GPR158: variants seen among roughly 807,000 people sequenced by gnomAD.
GPR158 encodes the protein metabotropic glycine receptor.
Under a neutral mutation model 78.2 loss-of-function variants are expected in GPR158, and 30 were observed. The ratio of observed to expected loss-of-function variants is 0.38; its 90% CI spans 0.29 to 0.52. GPR158 has a LOEUF of 0.52. Among genes scored for constraint, GPR158 ranks in the 20% least tolerant of loss-of-function variants. The pLI, the probability that GPR158 is intolerant of heterozygous loss-of-function variation, is 0.83. For missense variants in GPR158, 1,463 were observed against 1,523.5 expected (o/e 0.96, Z 0.66); for synonymous variants, 581 against 591.1 (o/e 0.98, Z 0.25).
At chr10:25,403,187 T>C (rs999207381) in intron 3 of GPR158, among the ~76,000 whole-genome samples, 3 of 152,002 alleles carry the variant, frequency 2.0e-5, no homozygotes, top group Non-Finnish European at 4.4e-5. Context: ...GTTTATACTT[T>C]TACTAGTTTC....
chr10:25,549,837 C>T (rs1015445204), intron 5 of GPR158, among the ~76,000 whole-genome samples: 1 of 152,098 alleles, frequency 6.6e-6, no homozygotes, highest in Non-Finnish European at 1.5e-5. Context: ...AATGTCAGTA[C>T]CTACCCCATG....
chr10:25,466,565 C>T, intron 4 of GPR158, 86 bp from the exon 5 acceptor site: 1 of 806,324 alleles, frequency 1.2e-6, no homozygotes, highest in Non-Finnish European at 2.1e-6. Context: ...TGCTGTCCTA[C>T]TGCATTGTGG....
intron 2 of GPR158, among the ~76,000 whole-genome samples, chr10:25,308,478 C>A (rs1483739390): frequency 6.6e-6 from 1 of 152,104 alleles, no homozygotes; most frequent in Non-Finnish European, 1.5e-5. Context: ...ATTGCCTGTT[C>A]AGGTTTTTTG....
intron 1 of GPR158, among the ~76,000 whole-genome samples, chr10:25,185,500 A>C (rs886417240): frequency 6.6e-6 from 1 of 152,202 alleles, no homozygotes; most frequent in African/African-American, 2.4e-5. Context: ...TTTAATATTT[A>C]AGGTTTCCCA....
At chr10:25,554,228 T>C (rs554875868) in intron 6 of GPR158, among the ~76,000 whole-genome samples, 1 of 152,280 alleles carries the variant, frequency 6.6e-6, no homozygotes, top group South Asian at 2.1e-4. Flanking sequence ...AATTCCACTT[T>C]TCATTTCAAG....
In GPR158 at chr10:25,278,158, G is replaced by C. The variant is rs111315559; in HGVS notation, c.1008+57001G>C. Among the ~76,000 whole-genome samples the C allele has an allele frequency of 1.6e-3, 240 of 152,160 alleles. 1 individual carries two copies. Among genetic ancestry groups the C allele is most frequent in the African/African-American group, 5.5e-3 (230 of 41,522 alleles). On this transcript the variant is annotated intron_variant, in intron 2 of 10. Coordinates refer to ENST00000376351, the MANE Select transcript of GPR158 (RefSeq NM_020752.3). ...CAGGTTTAGATTTTAAAACACTTCA[G>C]ATATTAAGATTATTAACAAAATAGC... is the stretch of plus-strand genomic sequence containing the variant.
chr10:25,487,572 C>G (rs1361818663), intron 5 of GPR158, among the ~76,000 whole-genome samples: 1 of 152,116 alleles, frequency 6.6e-6, no homozygotes, highest in Non-Finnish European at 1.5e-5. Flanking sequence ...CTGTAACTGC[C>G]TCTTACGAGC....
At chr10:25,547,388 C>T (rs180987117) in intron 5 of GPR158, among the ~76,000 whole-genome samples, 2 of 152,254 alleles carry the variant, frequency 1.3e-5, no homozygotes, top group African/African-American at 2.4e-5. Context: ...GCTTTCTTTA[C>T]ATGATTCCTC....
chr10:25,193,061 A>G (rs909435158), intron 1 of GPR158, among the ~76,000 whole-genome samples: 1 of 152,132 alleles, frequency 6.6e-6, no homozygotes, highest in Non-Finnish European at 1.5e-5. Context: ...GTTTACTGGG[A>G]TGGGTTTATC....
intron 4 of GPR158, among the ~76,000 whole-genome samples, chr10:25,435,361 TG>T (rs1834984744): frequency 6.6e-6 from 1 of 152,174 alleles, no homozygotes; most frequent in South Asian, 2.1e-4. Context: ...TAAATGAGGT[TG>T]TTTCTGAAGA....
intron 5 of GPR158, among the ~76,000 whole-genome samples, chr10:25,503,767 C>CCACTCT (rs1276890018): frequency 6.6e-6 from 1 of 152,102 alleles, no homozygotes; most frequent in Non-Finnish European, 1.5e-5. Context: ...CCCACAGCTC[C>CCACTCT]CACTCTCACT....
At chr10:25,312,293 C>A (rs938279325) in intron 2 of GPR158, among the ~76,000 whole-genome samples, 1 of 151,790 alleles carries the variant, frequency 6.6e-6, no homozygotes, top group Admixed American at 6.6e-5. Flanking sequence ...ATTGTTTCAC[C>A]GAGTTATGTA....
intron 1 of GPR158, among the ~76,000 whole-genome samples, chr10:25,214,094 A>C (rs921499099): frequency 8.6e-5 from 13 of 151,928 alleles, no homozygotes; most frequent in African/African-American, 2.7e-4. Context: ...TCCTGGGTTC[A>C]CGCCATTCTC....
At position 25,440,154 on chromosome 10, in the gene GPR158, G is replaced by C. The variant is rs372966326; in HGVS notation, c.1336-26497G>C. ...CCCCTGGGATTTCACTTTAATTTTA[G>C]ATCTGAACTCTTCCTCCAGATTACC... On this transcript the variant is annotated intron_variant, in intron 4 of 10. Transcript: ENST00000376351. Among the ~76,000 whole-genome samples, 5 of 152,150 alleles carry C rather than the reference G, an allele frequency of 3.3e-5. No individual in the cohort carries two copies. The East Asian group carries it at 5.8e-4, about 18-fold the overall frequency.
intron 4 of GPR158, among the ~76,000 whole-genome samples, chr10:25,437,222 C>T: frequency 6.6e-6 from 1 of 151,890 alleles, no homozygotes; most frequent in Admixed American, 6.6e-5. Flanking sequence ...GTGTGAAATC[C>T]TATTGGGATT....
chr10:25,212,540 G>T (rs1398937851), intron 1 of GPR158, among the ~76,000 whole-genome samples: 2 of 148,682 alleles, frequency 1.3e-5, no homozygotes, highest in Non-Finnish European at 3.0e-5. Context: ...CGTTAATTCA[G>T]ATCATTTATT....
At chr10:25,467,840 GT>G (rs1835446067) in intron 5 of GPR158, among the ~76,000 whole-genome samples, 1 of 152,118 alleles carries the variant, frequency 6.6e-6, no homozygotes, top group African/African-American at 2.4e-5. Context: ...GACCCTTTAA[GT>G]TCCTGTCTGT....
chr10:25,436,057 G>A (rs1040539091), intron 4 of GPR158, among the ~76,000 whole-genome samples: 1 of 152,124 alleles, frequency 6.6e-6, no homozygotes, highest in African/African-American at 2.4e-5. Flanking sequence ...TAGTTTCCAG[G>A]ATGAGGGAAG....
intron 2 of GPR158, among the ~76,000 whole-genome samples, chr10:25,350,930 C>T (rs1855450999): frequency 6.6e-6 from 1 of 151,892 alleles, no homozygotes; most frequent in Non-Finnish European, 1.5e-5. Flanking sequence ...ATTTGGTTAC[C>T]AGTTATTCCC....
Sources: gnomAD v4.1 joint callset for allele counts (sites outside exome capture counted in the v4.1 genomes callset) on GRCh38, gnomAD v4.1.1 for gene constraint, MANE v1.5 for transcripts, NCBI Gene and HGNC (gene_info 2026-07-23, HGNC 2026-07-21) for gene names.